The following USP25 variants were observed in gnomAD, a reference collection of about 807,000 sequenced individuals.
USP25 encodes ubiquitin carboxyl-terminal hydrolase 25.
Under a neutral mutation model 158.5 loss-of-function variants are expected in USP25, and 85 were observed. That is an observed-to-expected ratio of 0.54 (90% CI 0.45 to 0.64). The LOEUF (loss-of-function observed/expected upper bound fraction) is 0.64. USP25 is among the 30% of genes least tolerant of loss of function. The probability of loss-of-function intolerance (pLI) is 0.00; values close to 1 mark genes in which losing one functional copy is unlikely to be tolerated. For missense variants in USP25, 1,242 were observed against 1,327.3 expected, an observed-to-expected ratio of 0.94 and a Z score of 1.00; for synonymous variants, 464 against 460.4, an observed-to-expected ratio of 1.01 and a Z score of -0.10.
chr21:15,782,211 G>T (rs539017665), intron 4 of USP25, among the ~76,000 whole-genome samples: 1 of 152,312 alleles, frequency 6.6e-6, no homozygotes, highest in South Asian at 2.1e-4. Flanking sequence ...AGCTGGCCTG[G>T]AGGTGGCCCC....
intron 22 of USP25, 71 bp downstream of exon 22, chr21:15,866,415 C>A: frequency 8.4e-7 from 1 of 1,196,340 alleles, no homozygotes; most frequent in Non-Finnish European, 1.1e-6. Context: ...CCTTTCGTTT[C>A]AGCCCAACTG....
rs867299809 is a variant in USP25, at chr21:15,832,875, G to A, written c.1994-473G>A. On this transcript the variant is annotated intron_variant, in intron 16 of 25. Transcript: ENST00000400183. ...TACTAAAAATACAAAAAAATTAGCCGGGCTTGGTGGTGGGCACCTGTAGTC... is the reference window on the plus strand; with the variant it reads ...TACTAAAAATACAAAAAAATTAGCCAGGCTTGGTGGTGGGCACCTGTAGTC... Among the ~76,000 whole-genome samples, 8 of 152,106 alleles carry A rather than the reference G, an allele frequency of 5.3e-5. No individual in the cohort carries two copies. In the South Asian group the frequency reaches 6.2e-4, roughly 12 times the overall value.
rs919578618 is a variant in USP25, at chr21:15,791,358, G to A, written c.393-144G>A. 2.5e-5 allele frequency: 22 copies of A among 890,412 alleles called. No individual in the cohort carries two copies. The African/African-American group carries it at 3.5e-4, about 14-fold the overall frequency. The allele number at this position is 890,412 out of a possible 1,614,324, so 55.2% of individuals were successfully genotyped here. A position where few individuals can be genotyped will look rare whatever the true frequency, so the allele number is the denominator to read the frequency against. ...ATTAGCATTGACACTGCTAAAACGTGTATTTGAGTAAAGTTAGTATTAAAT... is the reference window on the plus strand; with the variant it reads ...ATTAGCATTGACACTGCTAAAACGTATATTTGAGTAAAGTTAGTATTAAAT... On this transcript the variant is annotated intron_variant, in intron 4 of 25. Coordinates refer to ENST00000400183, the MANE Select transcript of USP25 (RefSeq NM_001283041.3).
intron 14 of USP25, among the ~76,000 whole-genome samples, chr21:15,827,829 G>A (rs759455570): frequency 6.0e-5 from 9 of 148,894 alleles, no homozygotes; most frequent in Non-Finnish European, 1.0e-4. Flanking sequence ...GTCCTTTCTT[G>A]GAAGGAACTC....
In USP25 at chr21:15,847,749, A is replaced by T; in HGVS notation, c.2424A>T (p.Glu808Asp). 6.5e-7 allele frequency: 1 copy of T among 1,549,936 alleles called. No homozygotes were observed. Among genetic ancestry groups the T allele is most frequent in the Non-Finnish European group, 8.7e-7 (1 of 1,146,406 alleles). Residue 808 changes from glutamate to aspartate, a missense_variant, in exon 19 of 26, where the codon GAA becomes GAT. Physicochemically the swap from Glu to Asp is conservative, Grantham distance 45. Around this residue, in one of 3 missense-constraint regions of USP25, gnomAD observed 608 missense variants for 605.2 expected, o/e 1.00. Coordinates refer to ENST00000400183, the MANE Select transcript of USP25 (RefSeq NM_001283041.3). ...CTCATGTAGGGAAATTTATGATTGA[A>T]TCAAAGGAGGGGGGGTATGATGACG... Reference protein sequence around the residue: ...AIPHVGKFMIESKEGGYDDEI... With the variant: ...AIPHVGKFMIDSKEGGYDDEI...
At chr21:15,824,438 A>T (rs1177786583) in intron 11 of USP25, among the ~76,000 whole-genome samples, 1 of 152,188 alleles carries the variant, frequency 6.6e-6, no homozygotes, top group Non-Finnish European at 1.5e-5. Flanking sequence ...TCTACCTTAC[A>T]TCTTATACAA....
intron 2 of USP25, among the ~76,000 whole-genome samples, 169 bp from the exon 3 acceptor site, chr21:15,765,828 A>G (rs1373043459): frequency 6.6e-6 from 1 of 152,132 alleles, no homozygotes; most frequent in Non-Finnish European, 1.5e-5. Context: ...CTATTGATAT[A>G]GTATACTTTA....
Position 15,819,907 on chromosome 21 carries a change from G to C in USP25, c.1080+1061G>C, listed in dbSNP as rs369203027. On this transcript the variant is annotated intron_variant, in intron 10 of 25. Transcript: ENST00000400183. ...CAAAAATATGCTTTTCCTGTTAAGA[G>C]GAAGAGATGTATTTGAAATAGTCTT... 9.0e-4 allele frequency among the ~76,000 whole-genome samples: 137 copies of C among 152,050 alleles called. 1 individual carries two copies. The highest frequency in any genetic ancestry group is 3.2e-3 in the African/African-American group (133 of 41,514).
chr21:15,862,665 T>G (rs1034382718), intron 20 of USP25, among the ~76,000 whole-genome samples: 30 of 151,122 alleles, frequency 2.0e-4, no homozygotes, highest in African/African-American at 7.3e-4. Context: ...CAGTAAGCGT[T>G]GATAATCTTA....
At chr21:15,867,524 G>A (rs2039708687) in intron 22 of USP25, among the ~76,000 whole-genome samples, 1 of 152,048 alleles carries the variant, frequency 6.6e-6, no homozygotes, top group South Asian at 2.1e-4. Context: ...TAAAATTTTT[G>A]TTGTCAAAAG....
At chr21:15,865,606 G>C (rs183436042) in intron 21 of USP25, among the ~76,000 whole-genome samples, 2 of 152,120 alleles carry the variant, frequency 1.3e-5, no homozygotes, top group African/African-American at 4.8e-5. Context: ...TGTGACCCTC[G>C]TTATCTGTGC....
At chr21:15,777,305 T>C (rs2034712067) in intron 3 of USP25, among the ~76,000 whole-genome samples, 1 of 152,196 alleles carries the variant, frequency 6.6e-6, no homozygotes. Context: ...AGTATTTAAA[T>C]AGAAAGTGAA....
chr21:15,737,920 TGAAATAAGC>T (rs2031678984), intron 1 of USP25, among the ~76,000 whole-genome samples: 1 of 152,112 alleles, frequency 6.6e-6, no homozygotes, highest in African/African-American at 2.4e-5. Flanking sequence ...ATCTGAAATC[TGAAATAAGC>T]CAGTGAGCAT....
intron 1 of USP25, among the ~76,000 whole-genome samples, chr21:15,755,955 A>C (rs1284438539): frequency 1.3e-5 from 2 of 152,182 alleles, no homozygotes; most frequent in Non-Finnish European, 2.9e-5. Flanking sequence ...ATGACCTGGA[A>C]CAAAATTCTT....
intron 4 of USP25, among the ~76,000 whole-genome samples, chr21:15,789,724 A>G (rs1233439950): frequency 6.6e-6 from 1 of 151,944 alleles, no homozygotes; most frequent in African/African-American, 2.4e-5. Flanking sequence ...GTTTTAGTCT[A>G]TTTATTTCTG....
intron 20 of USP25, among the ~76,000 whole-genome samples, chr21:15,861,483 A>G (rs2039425348): frequency 6.6e-6 from 1 of 152,202 alleles, no homozygotes; most frequent in Admixed American, 6.5e-5. Context: ...GCCAAAAAAT[A>G]TGGGCAAATA....
At chr21:15,846,134 ATATATATATATATATATATATATATT>A (rs1243931884) in intron 18 of USP25, among the ~76,000 whole-genome samples, 2 of 44,550 alleles carry the variant, frequency 4.5e-5, no homozygotes, top group Non-Finnish European at 8.4e-5. Flanking sequence ...ATATATATAT[ATATATATATATATATATATATATATT>A]TTTTTTTTTT....
intron 1 of USP25, among the ~76,000 whole-genome samples, chr21:15,748,313 G>A (rs2032720800): frequency 6.6e-6 from 1 of 152,016 alleles, no homozygotes; most frequent in Non-Finnish European, 1.5e-5. Flanking sequence ...ACAGAGTCTT[G>A]CTCTCTTGCC....
chr21:15,833,236 T>A (rs1054312186), intron 16 of USP25, 112 bp from the exon 17 acceptor site: 2 of 980,556 alleles, frequency 2.0e-6, no homozygotes, highest in African/African-American at 3.3e-5. Context: ...TATGATTGGC[T>A]GAGTGGTAAT....
Sources: gnomAD v4.1 joint callset for allele counts (sites outside exome capture counted in the v4.1 genomes callset) on GRCh38, gnomAD v4.1.1 for gene constraint, gnomAD v4.1.1 regional missense constraint, MANE v1.5 for transcripts, NCBI Gene and HGNC (gene_info 2026-07-23, HGNC 2026-07-21) for gene names.